PRKCG: variants seen among roughly 807,000 people sequenced by gnomAD.
PRKCG encodes protein kinase C gamma type.
PRKCG carries 28 observed loss-of-function variants against 82.0 expected under a neutral mutation model. The observed-to-expected ratio is 0.34, with a 90% CI of 0.25 to 0.47. The LOEUF (loss-of-function observed/expected upper bound fraction) is 0.47, where lower values mean the gene tolerates loss of function less well. Among genes scored for constraint, PRKCG ranks in the 20% least tolerant of loss-of-function variants. The probability of loss-of-function intolerance (pLI) is 1.00; values close to 1 mark genes in which losing one functional copy is unlikely to be tolerated. For missense variants in PRKCG, 640 were observed against 952.7 expected (o/e 0.67, Z 4.32); for synonymous variants, 383 against 376.6 (o/e 1.02, Z -0.20).
In PRKCG at chr19:53,898,470, G is replaced by A; in HGVS notation, c.1123G>A (p.Glu375Lys). The change falls in exon 11 of 18, where the codon GAG becomes AAG. Residue 375 changes from glutamate (E) to lysine (K), a missense_variant. Transcript: ENST00000263431. ...GCTGGCCGAGCGCAGGGGCTCTGAT[G>A]AGCTCTACGCCATCAAGATCTTGAA... ...VMLAERRGSD[E>K]LYAIKILKKD... 1 of 1,613,976 alleles carries A rather than the reference G, an allele frequency of 6.2e-7. No individual in the cohort carries two copies. Among genetic ancestry groups the A allele is most frequent in the African/African-American group, 1.3e-5 (1 of 75,030 alleles).
chr19:53,887,619 A>G (rs1421367313), intron 3 of PRKCG, among the ~76,000 whole-genome samples: 1 of 148,374 alleles, frequency 6.7e-6, no homozygotes, highest in East Asian at 2.0e-4. Context: ...TCACGAGGTC[A>G]GGAGATCCAA....
chr19:53,882,161 T>G, upstream of PRKCG: 1 of 352,234 alleles, frequency 2.8e-6, no homozygotes, highest in Non-Finnish European at 5.3e-6. This position sits in a 1 kb window ranked among gnomAD's most constrained non-coding sequence, Gnocchi z 6.1. Context: ...GCCCTCTCGG[T>G]CGTCCTGGCA....
intron 11 of PRKCG, among the ~76,000 whole-genome samples, chr19:53,899,156 G>C (rs1021973838): frequency 6.6e-6 from 1 of 151,932 alleles, no homozygotes; most frequent in Non-Finnish European, 1.5e-5. Context: ...GTGGCCAGGC[G>C]GTGAGTTCCT....
At chr19:53,906,280 C>G in intron 16 of PRKCG, 37 bp from the exon 17 acceptor site, 1 of 1,550,714 alleles carries the variant, frequency 6.4e-7, no homozygotes, top group Non-Finnish European at 8.7e-7. Context: ...GGCACTCTGT[C>G]TGTTTGTCTG....
chr19:53,893,193 C>T (rs1568755733), intron 8 of PRKCG, 118 bp downstream of exon 8: 7 of 1,227,328 alleles, frequency 5.7e-6, no homozygotes, highest in South Asian at 1.2e-5. Context: ...CCAGAAGACC[C>T]TAGGACTCCC....
rs1371939163 is a variant in PRKCG at position 53,907,442 on chromosome 19, A to G, written c.*547A>G. 6.0e-6 allele frequency: 1 copy of G among 166,488 alleles called. No homozygotes were observed. The highest frequency in any genetic ancestry group is 2.4e-5 in the African/African-American group (1 of 41,622). The allele number at this position is 166,488 out of a possible 1,614,324, so 10.3% of individuals were successfully genotyped here. A position where few individuals can be genotyped will look rare whatever the true frequency, so the allele number is the denominator to read the frequency against. ...GAGGATTCTTTCCCCAGAGGCTCCC[A>G]ATCAGCTTTTGTTCTAGACTTCCCC... On this transcript the variant is annotated 3_prime_UTR_variant, in exon 18 of 18. Coordinates refer to ENST00000263431, the MANE Select transcript of PRKCG (RefSeq NM_002739.5).
rs764936102 is a variant in PRKCG, at chr19:53,892,079, TGAGA to T, written c.686+256_686+259del. ...CCCCAACTTTAGAGTTAGACAGAGA[TGAGA>T]GAGAGAAGAGAGAGTCTCAGAAGAG... On this transcript the variant is annotated intron_variant, in intron 6 of 17. Coordinates refer to ENST00000263431, the MANE Select transcript of PRKCG (RefSeq NM_002739.5). The surrounding 1 kb of genome is among the most constrained non-coding windows in gnomAD (Gnocchi z 5.9). Among the ~76,000 whole-genome samples, 1 of 150,970 alleles carries T rather than the reference TGAGA, an allele frequency of 6.6e-6. No homozygotes were observed. Among genetic ancestry groups the T allele is most frequent in the Non-Finnish European group, 1.5e-5 (1 of 67,770 alleles).
chr19:53,900,851 G>C lies in PRKCG; in HGVS notation c.1575+102G>C. ...GGGTGAGGCCTGACCCTCAGACCTTGTCATGAGTTGTGGCCTTCTTACACA... is the reference window on the plus strand; with the variant it reads ...GGGTGAGGCCTGACCCTCAGACCTTCTCATGAGTTGTGGCCTTCTTACACA... On this transcript the variant is annotated intron_variant, in intron 14 of 17. Coordinates refer to ENST00000263431, the MANE Select transcript of PRKCG (RefSeq NM_002739.5). The surrounding 1 kb of genome is among the most constrained non-coding windows in gnomAD (Gnocchi z 4.2). 1 of 1,574,474 alleles carries C rather than the reference G, an allele frequency of 6.4e-7. No homozygotes were observed. The highest frequency in any genetic ancestry group is 8.7e-7 in the Non-Finnish European group (1 of 1,153,486).
rs2068729032 is a variant in PRKCG, at chr19:53,897,924, A to G, written c.940-35A>G. 3.7e-6 allele frequency: 6 copies of G among 1,613,532 alleles called. No individual in the cohort carries two copies. The East Asian group carries it at 1.1e-4, about 30-fold the overall frequency. ...ATTTCCTTATCGCTGTGTAAGGTCT[A>G]ACTGCCTCTGGCTCTTTCTTTCTCC... On this transcript the variant is annotated intron_variant, in intron 9 of 17. Transcript: ENST00000263431.
intron 17 of PRKCG, 29 bp from the exon 18 acceptor site, chr19:53,906,678 T>G (rs753022128): frequency 6.2e-7 from 1 of 1,610,746 alleles, no homozygotes; most frequent in East Asian, 2.2e-5. Flanking sequence ...CGGAGCTGCT[T>G]AACTTTCCCT....
At position 53,906,704 on chromosome 19, in the gene PRKCG, C is replaced by T; in HGVS notation, c.1906-3C>T. The T allele has an allele frequency of 6.2e-7, 1 of 1,612,606 alleles. No individual in the cohort carries two copies. Among genetic ancestry groups the T allele is most frequent in the Non-Finnish European group, 8.5e-7 (1 of 1,180,010 alleles). On this transcript the variant is annotated splice_polypyrimidine_tract_variant and splice_region_variant and intron_variant, in intron 17 of 17. Coordinates refer to ENST00000263431, the MANE Select transcript of PRKCG (RefSeq NM_002739.5). ...AACTTTCCCTCCCCCACGTCTCCCA[C>T]AGTGTGGCCGCAGCGGCGAGAACTT...
At chr19:53,885,037 C>T (rs1463290510) in intron 3 of PRKCG, among the ~76,000 whole-genome samples, 1 of 152,146 alleles carries the variant, frequency 6.6e-6, no homozygotes, top group Non-Finnish European at 1.5e-5. Context: ...TCAGTTTCCT[C>T]CTCTATAAAA....
chr19:53,881,205 G>C (rs905902761), upstream of PRKCG, among the ~76,000 whole-genome samples: 17 of 152,116 alleles, frequency 1.1e-4, no homozygotes, highest in African/African-American at 3.9e-4. Flanking sequence ...GAGAGATATA[G>C]GAAGAGACAA....
upstream of PRKCG, chr19:53,882,196 C>T (rs1193564693): frequency 4.6e-6 from 2 of 431,024 alleles, no homozygotes; most frequent in South Asian, 4.3e-5. This position sits in a 1 kb window ranked among gnomAD's most constrained non-coding sequence, Gnocchi z 6.1. Context: ...CCGGGGCTCC[C>T]ACATTTCAGC....
At chr19:53,885,260 G>A (rs1266509943) in intron 3 of PRKCG, among the ~76,000 whole-genome samples, 2 of 151,884 alleles carry the variant, frequency 1.3e-5, no homozygotes, top group African/African-American at 2.4e-5. Context: ...ACGGAGTCGC[G>A]CTCTGTTGCC....
intron 11 of PRKCG, 139 bp downstream of exon 11, chr19:53,898,767 C>T: frequency 9.2e-6 from 1 of 108,356 alleles, no homozygotes; most frequent in Non-Finnish European, 1.4e-5. Flanking sequence ...GGATTGTCTC[C>T]TCAGGGGGCG....
intron 15 of PRKCG, among the ~76,000 whole-genome samples, chr19:53,903,944 T>G (rs1282845456): frequency 6.6e-6 from 1 of 152,200 alleles, no homozygotes; most frequent in African/African-American, 2.4e-5. Context: ...AAAGGAGCTC[T>G]AACAGTAATT....
chr19:53,883,335 C>T lies in PRKCG; in HGVS notation c.202+141C>T. 1 of 1,057,960 alleles carries T rather than the reference C, an allele frequency of 9.5e-7. No homozygotes were observed. The highest frequency in any genetic ancestry group is 2.5e-5 in the East Asian group (1 of 39,586). 65.5% of individuals were successfully genotyped at this position (1,057,960 alleles called of 1,614,324 possible). A position where few individuals can be genotyped will look rare whatever the true frequency, so the allele number is the denominator to read the frequency against. ...CGGGGCGGGGGGTGTGGCAGAGACACAGCCTGTGGTGGGGAGGGAGCTTTG... is the reference window on the plus strand; with the variant it reads ...CGGGGCGGGGGGTGTGGCAGAGACATAGCCTGTGGTGGGGAGGGAGCTTTG... On this transcript the variant is annotated intron_variant, in intron 2 of 17. Coordinates refer to ENST00000263431, the MANE Select transcript of PRKCG (RefSeq NM_002739.5). The surrounding 1 kb of genome is among the most constrained non-coding windows in gnomAD (Gnocchi z 5.4).
At chr19:53,895,607 T>G (rs1033673492) in intron 9 of PRKCG, among the ~76,000 whole-genome samples, 3 of 152,242 alleles carry the variant, frequency 2.0e-5, no homozygotes, top group Non-Finnish European at 4.4e-5. Context: ...ATGTTGTGTG[T>G]GGGGGTTCAC....
Sources: allele counts gnomAD v4.1 joint callset (sites outside exome capture counted in the v4.1 genomes callset), GRCh38; gene constraint gnomAD v4.1.1; non-coding constraint Gnocchi (gnomAD v3.1); transcripts MANE v1.5; gene names NCBI Gene and HGNC (gene_info 2026-07-23, HGNC 2026-07-21).